The following KHDRBS2 variants were observed in gnomAD, a reference collection of about 807,000 sequenced individuals.
KHDRBS2 encodes the protein KH domain-containing, RNA-binding, signal transduction-associated protein 2.
A neutral mutation model predicts 44.3 loss-of-function variants in KHDRBS2; 26 were observed. That is an observed-to-expected ratio of 0.59 (90% CI 0.43 to 0.81). The LOEUF is 0.81. Among genes scored for constraint, KHDRBS2 ranks in the 40% least tolerant of loss-of-function variants. The pLI is 0.00. For synonymous variants in KHDRBS2, 194 were observed against 151.1 expected, an observed-to-expected ratio of 1.28 and a Z score of -2.08; for missense variants, 476 against 433.1, an observed-to-expected ratio of 1.10 and a Z score of -0.88.
chr6:62,177,967 C>T (rs145368381), intron 1 of KHDRBS2, among the ~76,000 whole-genome samples: 2 of 151,328 alleles, frequency 1.3e-5, no homozygotes, highest in Non-Finnish European at 3.0e-5. Flanking sequence ...ATTTTTGAAT[C>T]AATTTATTCC....
At chr6:61,974,704 G>A (rs1408966245) in intron 4 of KHDRBS2, among the ~76,000 whole-genome samples, 10 of 151,724 alleles carry the variant, frequency 6.6e-5, no homozygotes, top group South Asian at 6.2e-4. Flanking sequence ...AGGCTGAGGC[G>A]GGTGGATCAT....
chr6:61,930,399 T>C (rs1167926975), intron 4 of KHDRBS2, among the ~76,000 whole-genome samples: 1 of 151,826 alleles, frequency 6.6e-6, no homozygotes, highest in Admixed American at 6.6e-5. Flanking sequence ...AAGAAAGAAC[T>C]AGTTCTCATA....
At chr6:61,547,932 A>G in the KHDRBS2 span, among the ~76,000 whole-genome samples, 222 of 152,284 alleles carry the variant, frequency 1.5e-3, 1 homozygote, top group East Asian at 0.041. Context: ...ATTCACAGAA[A>G]TCAAAGGTAC....
chr6:61,697,876 C>T (rs183803146), intron 7 of KHDRBS2, among the ~76,000 whole-genome samples: 50 of 152,262 alleles, frequency 3.3e-4, no homozygotes, highest in African/African-American at 1.1e-3. Flanking sequence ...TTTCCTGCTG[C>T]ATCCACTTCC....
intron 2 of KHDRBS2, among the ~76,000 whole-genome samples, chr6:62,138,843 A>C (rs1812132077): frequency 6.6e-6 from 1 of 152,244 alleles, no homozygotes; most frequent in South Asian, 2.1e-4. Flanking sequence ...AAATATAAAC[A>C]AACCTGCATC....
intron 4 of KHDRBS2, among the ~76,000 whole-genome samples, chr6:61,925,302 T>TA (rs924500102): frequency 3.7e-4 from 56 of 152,198 alleles, no homozygotes; most frequent in African/African-American, 1.1e-3. Flanking sequence ...CTTTTTGAAA[T>TA]AAAAAAATAA....
chr6:62,112,602 AAT>A (rs1222623428), intron 2 of KHDRBS2, among the ~76,000 whole-genome samples: 1 of 152,166 alleles, frequency 6.6e-6, no homozygotes, highest in Non-Finnish European at 1.5e-5. Flanking sequence ...TCAACTACAT[AAT>A]ATGAGAATCC....
downstream of KHDRBS2, among the ~76,000 whole-genome samples, chr6:61,677,654 T>A (rs564742539): frequency 2.9e-3 from 448 of 152,038 alleles, 2 homozygotes; most frequent in Non-Finnish European, 3.6e-3. Context: ...CTTTTCCTTA[T>A]AAAATTTGAA....
chr6:61,745,289 G>C (rs1457104662), intron 6 of KHDRBS2, among the ~76,000 whole-genome samples: 2 of 152,000 alleles, frequency 1.3e-5, no homozygotes, highest in East Asian at 3.9e-4. Flanking sequence ...TGTATTTTTT[G>C]AAAATATTCG....
At chr6:62,192,354 T>A (rs1237619089) in intron 1 of KHDRBS2, among the ~76,000 whole-genome samples, 4 of 152,092 alleles carry the variant, frequency 2.6e-5, no homozygotes, top group South Asian at 2.1e-4. Flanking sequence ...GCCAAAGATA[T>A]CTTGAAATTT....
At position 62,281,154 on chromosome 6, in the gene KHDRBS2, C is replaced by T. The variant is rs1490255422; in HGVS notation, c.91+4704G>A. 2.2e-5 allele frequency among the ~76,000 whole-genome samples: 3 copies of T among 136,838 alleles called. 1 individual carries two copies. In the South Asian group the frequency reaches 7.1e-4, roughly 32 times the overall value. 89.8% of individuals were successfully genotyped at this position (136,838 alleles called of 152,430 possible). ...TTACTAAACATGATATTTTTAAAAC[C>T]CTCAATCTAATCCTTTTTCATAAGG... On this transcript the variant is annotated intron_variant, in intron 1 of 8. Transcript: ENST00000281156.
intron 6 of KHDRBS2, among the ~76,000 whole-genome samples, chr6:61,818,939 T>C (rs925769476): frequency 5.9e-5 from 9 of 151,978 alleles, no homozygotes; most frequent in African/African-American, 1.9e-4. Context: ...TTCTTATGTA[T>C]GTTACTAGGA....
At chr6:62,070,449 A>C (rs1426997640) in intron 2 of KHDRBS2, among the ~76,000 whole-genome samples, 9 of 151,836 alleles carry the variant, frequency 5.9e-5, no homozygotes, top group Admixed American at 4.6e-4. Context: ...TTAACTCGTC[A>C]TTTAACATTA....
At chr6:61,847,705 C>T (rs1487721611) in intron 6 of KHDRBS2, among the ~76,000 whole-genome samples, 1 of 152,040 alleles carries the variant, frequency 6.6e-6, no homozygotes, top group Non-Finnish European at 1.5e-5. Context: ...GTTTAGTGAT[C>T]ATTCAATAAT....
intron 4 of KHDRBS2, among the ~76,000 whole-genome samples, chr6:61,967,932 GTATATATATATATA>G (rs369326330): frequency 8.5e-6 from 1 of 117,014 alleles, no homozygotes; most frequent in Non-Finnish European, 1.7e-5. Context: ...ATACACACAC[GTATATATATATATA>G]TATATATATA....
At chr6:61,741,872 G>A (rs1363055021) in intron 6 of KHDRBS2, among the ~76,000 whole-genome samples, 1 of 151,862 alleles carries the variant, frequency 6.6e-6, no homozygotes, top group African/African-American at 2.4e-5. Context: ...TTTCTGTGAA[G>A]ACTTTAAAAA....
chr6:62,127,149 T>C (rs1258720270), intron 2 of KHDRBS2, among the ~76,000 whole-genome samples: 1 of 152,148 alleles, frequency 6.6e-6, no homozygotes. Context: ...TGAGTCTCCT[T>C]ACTTTAAATA....
chr6:61,582,944 C>A, the KHDRBS2 span, among the ~76,000 whole-genome samples: 1 of 151,562 alleles, frequency 6.6e-6, no homozygotes, highest in African/African-American at 2.4e-5. Context: ...TTCAAAAAAC[C>A]ATTTTATGTA....
chr6:61,866,707 T>C (rs1301718944), intron 6 of KHDRBS2, among the ~76,000 whole-genome samples: 1 of 152,218 alleles, frequency 6.6e-6, no homozygotes, highest in Non-Finnish European at 1.5e-5. Flanking sequence ...AGCACCAAAG[T>C]CACATCTTGA....
Sources: gnomAD v4.1 joint callset for allele counts (sites outside exome capture counted in the v4.1 genomes callset) on GRCh38, gnomAD v4.1.1 for gene constraint, MANE v1.5 for transcripts, NCBI Gene and HGNC (gene_info 2026-07-23, HGNC 2026-07-21) for gene names.